Variants in ADGRB1 observed in about 807,000 individuals in gnomAD.
The protein encoded by ADGRB1 is brain-specific angiogenesis inhibitor 1.
A neutral mutation model predicts 175.7 loss-of-function variants in ADGRB1; 36 were observed. That is an observed-to-expected ratio of 0.20 (90% CI 0.16 to 0.27). The LOEUF (loss-of-function observed/expected upper bound fraction) is 0.27, where lower values mean the gene tolerates loss of function less well. ADGRB1 is among the 10% of genes least tolerant of loss of function. ADGRB1 has a pLI of 1.00. For missense variants in ADGRB1, 1,731 were observed against 2,255.3 expected, an observed-to-expected ratio of 0.77 and a Z score of 4.71; for synonymous variants, 1,054 against 979.4, an observed-to-expected ratio of 1.08 and a Z score of -1.42.
rs777000151 is a variant in ADGRB1, at chr8:142,464,252, A to ACTG, written c.70_72dup (p.Leu24dup). On this transcript the variant is annotated inframe_insertion, in exon 2 of 31. Transcript: ENST00000517894. Reference sequence around the variant, plus strand: ...CCGTCTGGATCCTCGCCCCGCTGCTACTGCTGCTGCTGCTGCTGGGACGCC... The same window carrying ACTG: ...CCGTCTGGATCCTCGCCCCGCTGCTACTGCTGCTGCTGCTGCTGCTGGGACGCC... 5 of 1,342,682 alleles carry ACTG rather than the reference A, an allele frequency of 3.7e-6. No homozygotes were observed. Among genetic ancestry groups the ACTG allele is most frequent in the Non-Finnish European group, 2.8e-6 (3 of 1,055,314 alleles). 83.2% of individuals were successfully genotyped at this position (1,342,682 alleles called of 1,614,324 possible). A position where few individuals can be genotyped will look rare whatever the true frequency, so the allele number is the denominator to read the frequency against.
At position 142,533,329 on chromosome 8, in the gene ADGRB1, C is replaced by T. The variant is rs749178453; in HGVS notation, c.3433C>T (p.Leu1145=). The part of the protein sequence containing the change: ...SLWSSCVVLP[L]LALTWMSAVL... Reference sequence around the variant, plus strand: ...GTGGAGCTCCTGCGTGGTGCTGCCGCTGCTGGCGCTGACCTGGATGTCGGC... The same window carrying T: ...GTGGAGCTCCTGCGTGGTGCTGCCGTTGCTGGCGCTGACCTGGATGTCGGC... Residue 1145 remains leucine (L), a synonymous_variant, in exon 25 of 31, where the codon CTG becomes TTG. Coordinates refer to ENST00000517894, the MANE Select transcript of ADGRB1 (RefSeq NM_001702.3). 6.3e-7 allele frequency: 1 copy of T among 1,577,546 alleles called. No homozygotes were observed. The highest frequency in any genetic ancestry group is 1.8e-5 in the Admixed American group (1 of 55,730).
intron 1 of ADGRB1, among the ~76,000 whole-genome samples, chr8:142,453,886 C>T (rs965141388): frequency 2.0e-5 from 3 of 152,110 alleles, no homozygotes; most frequent in Admixed American, 6.5e-5. Flanking sequence ...GTCAGAGGTC[C>T]GGGCAGAAGG....
chr8:142,535,040 A>G (rs149137080), intron 25 of ADGRB1, among the ~76,000 whole-genome samples: 176 of 152,344 alleles, frequency 1.2e-3, no homozygotes, highest in African/African-American at 4.1e-3. Flanking sequence ...ACAGTAGCCT[A>G]TGAAAAAGGA....
chr8:142,490,633 C>T (rs1306906278), intron 16 of ADGRB1, 139 bp from the exon 17 acceptor site: 11 of 994,972 alleles, frequency 1.1e-5, no homozygotes, highest in East Asian at 2.7e-5. Context: ...CAGTTTCCTC[C>T]TCGCAAAACG....
chr8:142,491,823 G>T (rs1401965541), intron 17 of ADGRB1, among the ~76,000 whole-genome samples: 1 of 152,202 alleles, frequency 6.6e-6, no homozygotes, highest in Non-Finnish European at 1.5e-5. Flanking sequence ...CTTGCGTGGT[G>T]GGTAGTTCAG....
chr8:142,502,617 G>A (rs1165682040), intron 17 of ADGRB1, among the ~76,000 whole-genome samples: 1 of 144,150 alleles, frequency 6.9e-6, no homozygotes, highest in East Asian at 2.1e-4. Flanking sequence ...GGTGGTGGCT[G>A]TAGTGAAGAT....
chr8:142,544,239 CCAA>C lies in ADGRB1; in HGVS notation c.4581_4583del (p.Asn1527del), dbSNP rs1408178238. On this transcript the variant is annotated inframe_deletion, in exon 31 of 31. Coordinates refer to ENST00000517894, the MANE Select transcript of ADGRB1 (RefSeq NM_001702.3). ...CAGCAGCCGGAAAAGCAGCAGACGCCCAACAAGAGGCCCTGGGAGAGCCTCCGG... is the reference window on the plus strand; with the variant it reads ...CAGCAGCCGGAAAAGCAGCAGACGCCCAAGAGGCCCTGGGAGAGCCTCCGG... 3.2e-6 allele frequency: 5 copies of C among 1,548,954 alleles called. No homozygotes were observed. Among genetic ancestry groups the C allele is most frequent in the African/African-American group, 1.4e-5 (1 of 72,990 alleles).
rs1842016848 is a variant in ADGRB1 at position 142,492,269 on chromosome 8, A to G, written c.2675+1454A>G. 6.6e-6 allele frequency among the ~76,000 whole-genome samples: 1 copy of G among 151,962 alleles called. No homozygotes were observed. The highest frequency in any genetic ancestry group is 1.5e-5 in the Non-Finnish European group (1 of 67,984). ...TCCATCCGCCCATCGCCCACTGCTC[A>G]CCACCCTTCCTCCGGCGGTCACTAC... On this transcript the variant is annotated intron_variant, in intron 17 of 30. Coordinates refer to ENST00000517894, the MANE Select transcript of ADGRB1 (RefSeq NM_001702.3). This position sits in a 1 kb window ranked among gnomAD's most constrained non-coding sequence, Gnocchi z 4.4.
Position 142,464,679 on chromosome 8 carries a change from G to T in ADGRB1, c.481G>T (p.Gly161Trp). ...GCACGACGGGCTCCGGCCCCGGGCC[G>T]GGCCGCCGGGCCCCACCGACGACTT... Reference protein sequence around the residue: ...PQHDGLRPRAGPPGPTDDFSV... With the variant: ...PQHDGLRPRAWPPGPTDDFSV... Residue 161 changes from glycine to tryptophan, a missense_variant, in exon 2 of 31, where the codon GGG becomes TGG. By Grantham distance (184) the Gly-to-Trp change is radical (BLOSUM62 -2). Transcript: ENST00000517894. 6.6e-7 allele frequency: 1 copy of T among 1,524,846 alleles called. No homozygotes were observed. The highest frequency in any genetic ancestry group is 8.8e-7 in the Non-Finnish European group (1 of 1,141,918). 94.5% of individuals were successfully genotyped at this position (1,524,846 alleles called of 1,614,324 possible). A position where few individuals can be genotyped will look rare whatever the true frequency, so the allele number is the denominator to read the frequency against.
At chr8:142,476,076 C>A (rs980665557) in intron 3 of ADGRB1, among the ~76,000 whole-genome samples, 3 of 152,254 alleles carry the variant, frequency 2.0e-5, no homozygotes, top group Non-Finnish European at 4.4e-5. Flanking sequence ...CCGCCTGCCC[C>A]AGCCGGATAC....
chr8:142,539,478 T>G (rs1474763212), intron 27 of ADGRB1, 65 bp downstream of exon 27: 3 of 1,557,386 alleles, frequency 1.9e-6, no homozygotes, highest in Non-Finnish European at 2.6e-6. Context: ...ACTCCACGCC[T>G]CCGCCTGTGC....
At chr8:142,508,233 C>A (rs1390582300) in intron 17 of ADGRB1, among the ~76,000 whole-genome samples, 2 of 152,128 alleles carry the variant, frequency 1.3e-5, no homozygotes, top group Non-Finnish European at 2.9e-5. Flanking sequence ...GCACAGCCAC[C>A]AGCCAGGGCT....
intron 19 of ADGRB1, among the ~76,000 whole-genome samples, chr8:142,519,321 G>T (rs1369857229): frequency 6.6e-6 from 1 of 152,034 alleles, no homozygotes; most frequent in Non-Finnish European, 1.5e-5. Flanking sequence ...ACTGTTCTGT[G>T]GTCCCCATGA....
chr8:142,503,294 T>C (rs1432444656), intron 17 of ADGRB1, among the ~76,000 whole-genome samples: 2 of 151,922 alleles, frequency 1.3e-5, no homozygotes, highest in African/African-American at 4.8e-5. Context: ...GAGATGAGGC[T>C]GGGCTGGCTG....
intron 24 of ADGRB1, among the ~76,000 whole-genome samples, chr8:142,532,494 C>A (rs1048117441): frequency 7.2e-5 from 11 of 152,106 alleles, no homozygotes; most frequent in Admixed American, 1.3e-4. Flanking sequence ...GCAGAGGCAG[C>A]AGGAAGGGTC....
rs553286660 is a variant in ADGRB1, at chr8:142,497,895, G to T, written c.2675+7080G>T. On this transcript the variant is annotated intron_variant, in intron 17 of 30. Transcript: ENST00000517894. ...GAATGGACCAGGTCGTAAGGTCACG[G>T]CTGCGGGCAAGCCCCCATGGCCTGA... Among the ~76,000 whole-genome samples, 31 of 152,304 alleles carry T rather than the reference G, an allele frequency of 2.0e-4. 1 individual carries two copies. In the South Asian group the frequency reaches 3.5e-3, roughly 17 times the overall value.
At chr8:142,482,489 C>T (rs557568976) in intron 11 of ADGRB1, among the ~76,000 whole-genome samples, 19 of 150,696 alleles carry the variant, frequency 1.3e-4, no homozygotes, top group South Asian at 8.5e-4. Context: ...CCTGGTCACA[C>T]GCTGAGCCCT....
At chr8:142,466,435 AGGGGCCAGAGG>A (rs1288224371) in intron 2 of ADGRB1, among the ~76,000 whole-genome samples, 1 of 152,176 alleles carries the variant, frequency 6.6e-6, no homozygotes, top group African/African-American at 2.4e-5. Flanking sequence ...GGGGCTAGAG[AGGGGCCAGAGG>A]AAGGAGGGAC....
At chr8:142,505,524 C>A (rs1228113582) in intron 17 of ADGRB1, among the ~76,000 whole-genome samples, 2 of 152,184 alleles carry the variant, frequency 1.3e-5, no homozygotes, top group African/African-American at 4.8e-5. Flanking sequence ...GGGATCCACA[C>A]TGGGTTGGGA....
Sources: allele counts gnomAD v4.1 joint callset (sites outside exome capture counted in the v4.1 genomes callset), GRCh38; gene constraint gnomAD v4.1.1; non-coding constraint Gnocchi (gnomAD v3.1); transcripts MANE v1.5; gene names NCBI Gene and HGNC (gene_info 2026-07-23, HGNC 2026-07-21).